Variants in ASAP3 observed in about 807,000 individuals in gnomAD.
The protein encoded by ASAP3 is arf-GAP with SH3 domain, ANK repeat and PH domain-containing protein 3.
ASAP3 carries 85 observed loss-of-function variants against 118.2 expected under a neutral mutation model. The observed-to-expected ratio is 0.72, with a 90% CI of 0.60 to 0.86. ASAP3 has a LOEUF of 0.86. ASAP3 is among the 40% of genes least tolerant of loss of function. The pLI is 0.00. For synonymous variants in ASAP3, 432 were observed against 477.4 expected, an observed-to-expected ratio of 0.90 and a Z score of 1.24; for missense variants, 1,026 against 1,175.0, an observed-to-expected ratio of 0.87 and a Z score of 1.85.
chr1:23,437,500 C>A lies in ASAP3; in HGVS notation c.1103-28G>T. On this transcript the variant is annotated intron_variant, in intron 12 of 24. Coordinates refer to ENST00000336689, the MANE Select transcript of ASAP3 (RefSeq NM_017707.4). The surrounding 1 kb of genome is among the most constrained non-coding windows in gnomAD (Gnocchi z 6.1). ...GTCGGGAGAGAAGGGGGCTTCTGAC[C>A]CACAGAAATGCTGCTGGCCTTCCCG... The A allele has an allele frequency of 1.2e-6, 2 of 1,613,502 alleles. No individual in the cohort carries two copies. Among genetic ancestry groups the A allele is most frequent in the Non-Finnish European group, 1.7e-6 (2 of 1,179,698 alleles).
intron 1 of ASAP3, among the ~76,000 whole-genome samples, chr1:23,474,287 C>T (rs1036806437): frequency 3.3e-5 from 5 of 152,042 alleles, no homozygotes; most frequent in African/African-American, 1.2e-4. Context: ...CAATGACCTC[C>T]GTGTTGCCAA....
intron 1 of ASAP3, among the ~76,000 whole-genome samples, chr1:23,464,659 TAAAAAAAAAAAAAAAA>T (rs57655847): frequency 0.037 from 1,759 of 47,134 alleles, 29 homozygotes; most frequent in Non-Finnish European, 0.049. Flanking sequence ...GACACTGTCT[TAAAAAAAAAAAAAAAA>T]AAAAAAAAAA....
Position 23,437,997 on chromosome 1 carries a change from T to G in ASAP3, c.1103-525A>C, listed in dbSNP as rs530644743. Among the ~76,000 whole-genome samples, 3 of 152,122 alleles carry G rather than the reference T, an allele frequency of 2.0e-5. No homozygotes were observed. The highest frequency in any genetic ancestry group is 4.4e-5 in the Non-Finnish European group (3 of 68,012). On this transcript the variant is annotated intron_variant, in intron 12 of 24. Coordinates refer to ENST00000336689, the MANE Select transcript of ASAP3 (RefSeq NM_017707.4). The surrounding 1 kb of genome is among the most constrained non-coding windows in gnomAD (Gnocchi z 6.1). ...ATAAGGTCCAAACTTTTAAGAGGGATTTCCAGGCCTCATCTCTCACTCTGC... is the reference window on the plus strand; with the variant it reads ...ATAAGGTCCAAACTTTTAAGAGGGAGTTCCAGGCCTCATCTCTCACTCTGC...
In ASAP3 at chr1:23,433,210, G is replaced by A; in HGVS notation, c.2190C>T (p.Asn730=). 1.2e-6 allele frequency: 2 copies of A among 1,613,876 alleles called. No individual in the cohort carries two copies. Among genetic ancestry groups the A allele is most frequent in the African/African-American group, 2.7e-5 (2 of 75,042 alleles). The change falls in exon 22 of 25, where the codon AAC becomes AAT. Residue 730 remains asparagine, a synonymous_variant. Transcript: ENST00000336689. ...GGCTGGCGACAGTCTCATAGGTCTTGTTGCTGATGTCCAGCCTCCCACTGG... is the reference window on the plus strand; with the variant it reads ...GGCTGGCGACAGTCTCATAGGTCTTATTGCTGATGTCCAGCCTCCCACTGG... ...HWASGRLDIS[N]KTYETVASLG... is the part of the protein sequence containing the mutation.
At chr1:23,432,021 T>G (rs1427703890) in intron 22 of ASAP3, 103 bp from the exon 23 acceptor site, 10 of 1,125,496 alleles carry the variant, frequency 8.9e-6, no homozygotes, top group Non-Finnish European at 1.2e-5. Flanking sequence ...TTTTTTTTTT[T>G]TTTGAGACAG....
intron 5 of ASAP3, among the ~76,000 whole-genome samples, chr1:23,447,135 A>G (rs1251219743): frequency 6.6e-6 from 1 of 152,194 alleles, no homozygotes; most frequent in Non-Finnish European, 1.5e-5. Flanking sequence ...CCTGCTGTTC[A>G]GTCCAGGTTC....
chr1:23,443,182 C>G (rs79707374), intron 5 of ASAP3, among the ~76,000 whole-genome samples: 138 of 152,302 alleles, frequency 9.1e-4, no homozygotes, highest in Middle Eastern at 3.4e-3. Flanking sequence ...GATTTAAGAA[C>G]ACAGGTGCCT....
intron 1 of ASAP3, among the ~76,000 whole-genome samples, chr1:23,469,667 CACTA>C (rs1320366162): frequency 2.6e-5 from 4 of 152,330 alleles, no homozygotes; most frequent in East Asian, 3.9e-4. Context: ...CCTATCGCCC[CACTA>C]ACTGACTGCT....
intron 4 of ASAP3, among the ~76,000 whole-genome samples, 159 bp downstream of exon 4, chr1:23,452,536 CTG>C (rs1169693988): frequency 6.6e-6 from 1 of 152,120 alleles, no homozygotes; most frequent in African/African-American, 2.4e-5. Flanking sequence ...CCATCCTAGG[CTG>C]ACCCGAGCCA....
rs777709111 is a variant in ASAP3 at position 23,453,233 on chromosome 1, G to A, written c.349-462C>T. On this transcript the variant is annotated intron_variant, in intron 3 of 24. Transcript: ENST00000336689. ...CGTCTGTTGTTCTGGGCTGGCTAAC[G>A]CTTCAGAGCCTCCCCTATTAATGGT... 5.3e-5 allele frequency among the ~76,000 whole-genome samples: 8 copies of A among 152,126 alleles called. No homozygotes were observed. In the South Asian group the frequency reaches 1.0e-3, roughly 20 times the overall value.
chr1:23,441,102 C>T lies in ASAP3; in HGVS notation c.944G>A (p.Gly315Glu). The change falls in exon 10 of 25, where the codon GGA (glycine) becomes GAA (glutamate). Residue 315 changes from glycine to glutamate, a missense_variant and splice_region_variant. Coordinates refer to ENST00000336689, the MANE Select transcript of ASAP3 (RefSeq NM_017707.4). Reference protein sequence around the residue: ...KVGFLYKKSDGIRRVWQKRKC... With the variant: ...KVGFLYKKSDEIRRVWQKRKC... ...ATTATGTAAGCTCTGAATCACTTAC[C>T]CGTCACTTTTCTTGTATAGAAAGCC... 1 of 1,613,864 alleles carries T rather than the reference C, an allele frequency of 6.2e-7. No individual in the cohort carries two copies. Among genetic ancestry groups the T allele is most frequent in the Non-Finnish European group, 8.5e-7 (1 of 1,179,820 alleles).
intron 1 of ASAP3, among the ~76,000 whole-genome samples, chr1:23,461,440 C>T (rs1461116969): frequency 6.6e-6 from 1 of 151,832 alleles, no homozygotes; most frequent in Non-Finnish European, 1.5e-5. Context: ...GAAGCTGGGG[C>T]GGGAGGATTG....
In ASAP3 at chr1:23,431,737, G is replaced by A. The variant is rs201537248; in HGVS notation, c.2505C>T (p.Ser835=). The change falls in exon 23 of 25, where the codon TCC becomes TCT. Residue 835 remains serine (S), a synonymous_variant. Coordinates refer to ENST00000336689, the MANE Select transcript of ASAP3 (RefSeq NM_017707.4). ...GGTACATCTCCGAAGGGGTGGTCCC[G>A]GATGTCAGGCTGGGTCTGGAGGTGC... ...PPGTSRPSLT[S]GTTPSEMYLP... 5.0e-5 allele frequency: 76 copies of A among 1,522,134 alleles called. No homozygotes were observed. Among genetic ancestry groups the A allele is most frequent in the African/African-American group, 1.4e-5 (1 of 70,994 alleles). 94.3% of individuals were successfully genotyped at this position (1,522,134 alleles called of 1,614,324 possible).
rs1421544135 is a variant in ASAP3 at position 23,455,496 on chromosome 1, G to A, written c.348+385C>T. ...AGAGGACAAAGAGGGAGTGAGGAGA[G>A]GAGGAGGCGGTGGCAGCGGTGGTGG... On this transcript the variant is annotated intron_variant, in intron 3 of 24. Coordinates refer to ENST00000336689, the MANE Select transcript of ASAP3 (RefSeq NM_017707.4). Among the ~76,000 whole-genome samples, 3 of 152,290 alleles carry A rather than the reference G, an allele frequency of 2.0e-5. No homozygotes were observed. In the South Asian group the frequency reaches 6.2e-4, roughly 32 times the overall value.
chr1:23,451,977 G>T lies in ASAP3; in HGVS notation c.424-449C>A, dbSNP rs117965717. Among the ~76,000 whole-genome samples the T allele has an allele frequency of 1.1e-4, 16 of 152,314 alleles. No individual in the cohort carries two copies. In the East Asian group the frequency reaches 2.9e-3, roughly 28 times the overall value. ...TCTTAGAGCAAGGGTACAGGTCAAGGAACATGCACAGAGAGGTTGAGAAGT... is the reference window on the plus strand; with the variant it reads ...TCTTAGAGCAAGGGTACAGGTCAAGTAACATGCACAGAGAGGTTGAGAAGT... On this transcript the variant is annotated intron_variant, in intron 4 of 24. Transcript: ENST00000336689.
chr1:23,437,358 T>C lies in ASAP3; in HGVS notation c.1152-38A>G, dbSNP rs1293972728. The C allele has an allele frequency of 1.2e-6, 2 of 1,608,994 alleles. No individual in the cohort carries two copies. The highest frequency in any genetic ancestry group is 2.7e-5 in the African/African-American group (2 of 74,726). The stretch of plus-strand genomic sequence containing the variant: ...AACGGGGTGGGATGGGGATGTCAAG[T>C]GGGAAGAGATAGGGCCGCCGGCCCC... On this transcript the variant is annotated intron_variant, in intron 13 of 24. Coordinates refer to ENST00000336689, the MANE Select transcript of ASAP3 (RefSeq NM_017707.4). The surrounding 1 kb of genome is among the most constrained non-coding windows in gnomAD (Gnocchi z 6.1).
In ASAP3 at chr1:23,436,813, C is replaced by G; in HGVS notation, c.1476+98G>C. 6.5e-7 allele frequency: 1 copy of G among 1,550,198 alleles called. No individual in the cohort carries two copies. Among genetic ancestry groups the G allele is most frequent in the Non-Finnish European group, 8.7e-7 (1 of 1,147,254 alleles). ...CTACCTGGCTTGTCCCAGCCCACCTCGGCCAGGTCCCACCCACAACCTGCA... is the reference window on the plus strand; with the variant it reads ...CTACCTGGCTTGTCCCAGCCCACCTGGGCCAGGTCCCACCCACAACCTGCA... On this transcript the variant is annotated intron_variant, in intron 15 of 24. Transcript: ENST00000336689. This position sits in a 1 kb window ranked among gnomAD's most constrained non-coding sequence, Gnocchi z 4.2.
In ASAP3 at chr1:23,433,239, A is replaced by G. The variant is rs1360365726; in HGVS notation, c.2161T>C (p.Trp721Arg). 5 of 1,611,730 alleles carry G rather than the reference A, an allele frequency of 3.1e-6. No homozygotes were observed. In the South Asian group the frequency reaches 5.5e-5, roughly 18 times the overall value. ...CTGATGTCCAGCCTCCCACTGGCCC[A>G]GTGAGCCTGGGCCGGGAGCTTCAGC... is the stretch of plus-strand genomic sequence containing the variant. ...CLLKLPAQAH[W>R]ASGRLDISNK... Residue 721 changes from tryptophan to arginine, a missense_variant, in exon 22 of 25, where the codon TGG becomes CGG. Physicochemically the swap from Trp to Arg is moderately radical, Grantham distance 101. Coordinates refer to ENST00000336689, the MANE Select transcript of ASAP3 (RefSeq NM_017707.4).
chr1:23,444,666 A>G (rs1640990267), intron 5 of ASAP3, among the ~76,000 whole-genome samples: 1 of 152,194 alleles, frequency 6.6e-6, no homozygotes, highest in Non-Finnish European at 1.5e-5. Flanking sequence ...TAAATGGAGG[A>G]AGCAATGGTC....
Sources: gnomAD v4.1 joint callset for allele counts (sites outside exome capture counted in the v4.1 genomes callset) on GRCh38, gnomAD v4.1.1 for gene constraint, Gnocchi (gnomAD v3.1) non-coding constraint, MANE v1.5 for transcripts, NCBI Gene and HGNC (gene_info 2026-07-23, HGNC 2026-07-21) for gene names.